Variants in MALRD1 observed in about 807,000 individuals in gnomAD.
MALRD1 encodes the protein MAM and LDL receptor class A domain containing 1.
MALRD1 carries 247 observed loss-of-function variants against 242.1 expected under a neutral mutation model. That is an observed-to-expected ratio of 1.02 (90% CI 0.92 to 1.13). MALRD1 has a LOEUF of 1.13. Among genes scored for constraint, MALRD1 ranks in the 50% most tolerant of loss-of-function variants. The probability of loss-of-function intolerance (pLI) is 0.00; values close to 1 mark genes in which losing one functional copy is unlikely to be tolerated. For synonymous variants in MALRD1, 995 were observed against 866.6 expected (o/e 1.15, Z -2.60); for missense variants, 2,989 against 2,533.1 (o/e 1.18, Z -3.86).
At chr10:19,274,031 C>T (rs749279119) in intron 19 of MALRD1, among the ~76,000 whole-genome samples, 1 of 152,068 alleles carries the variant, frequency 6.6e-6, no homozygotes, top group Non-Finnish European at 1.5e-5. Flanking sequence ...CCTGGTGGGA[C>T]TGTAAAGTGG....
intron 14 of MALRD1, among the ~76,000 whole-genome samples, chr10:19,183,187 A>G (rs1835591510): frequency 6.6e-6 from 1 of 151,866 alleles, no homozygotes; most frequent in African/African-American, 2.4e-5. Flanking sequence ...ATTCATAGAA[A>G]TGCTAATTCT....
chr10:19,593,726 T>C (rs1294144091), intron 33 of MALRD1, among the ~76,000 whole-genome samples: 3 of 152,210 alleles, frequency 2.0e-5, no homozygotes, highest in Admixed American at 2.0e-4. Context: ...AGCCTCTGCT[T>C]TAAGTTTGAC....
intron 26 of MALRD1, among the ~76,000 whole-genome samples, chr10:19,371,606 C>T (rs911275163): frequency 1.3e-5 from 2 of 152,052 alleles, no homozygotes; most frequent in Non-Finnish European, 2.9e-5. Context: ...TGGTCAGAAT[C>T]TATTATCCCT....
chr10:19,389,465 T>C lies in MALRD1; in HGVS notation c.4701T>C (p.Tyr1567=). ...TLGNENGHFM[Y]LEATAVGLRG... Reference sequence around the variant, plus strand: ...CCTTGTTCCTAGGGCACTTCATGTATCTGGAAGCTACTGCAGTGGGCCTTC... The same window carrying C: ...CCTTGTTCCTAGGGCACTTCATGTACCTGGAAGCTACTGCAGTGGGCCTTC... The change falls in exon 28 of 40, where the codon TAT becomes TAC. Residue 1567 remains tyrosine, a synonymous_variant. Coordinates refer to ENST00000454679, the MANE Select transcript of MALRD1 (RefSeq NM_001142308.3). 6.4e-7 allele frequency: 1 copy of C among 1,550,396 alleles called. No homozygotes were observed. Among genetic ancestry groups the C allele is most frequent in the Non-Finnish European group, 8.7e-7 (1 of 1,146,904 alleles).
intron 31 of MALRD1, among the ~76,000 whole-genome samples, chr10:19,513,112 T>C (rs190010769): frequency 3.9e-5 from 6 of 152,262 alleles, no homozygotes; most frequent in African/African-American, 9.6e-5. Flanking sequence ...ATTTGTCCCC[T>C]CCAAATCTCA....
chr10:19,367,606 C>T (rs1039206643), intron 26 of MALRD1, among the ~76,000 whole-genome samples: 7 of 152,078 alleles, frequency 4.6e-5, no homozygotes, highest in Non-Finnish European at 8.8e-5. Context: ...GATGTACTAA[C>T]TATTTTTCCT....
intron 36 of MALRD1, among the ~76,000 whole-genome samples, chr10:19,638,100 TC>T (rs1474197471): frequency 8.0e-5 from 2 of 25,142 alleles, no homozygotes; most frequent in African/African-American, 3.0e-4. Flanking sequence ...AAACTCACTC[TC>T]AAAAAAAAAA....
intron 28 of MALRD1, among the ~76,000 whole-genome samples, chr10:19,412,750 G>A (rs1833328468): frequency 6.6e-6 from 1 of 152,050 alleles, no homozygotes; most frequent in South Asian, 2.1e-4. Flanking sequence ...TAAAACAGAA[G>A]AATCATCATT....
chr10:19,312,400 A>ATATATATGTGTG (rs1491220851), intron 21 of MALRD1, among the ~76,000 whole-genome samples: 14 of 143,634 alleles, frequency 9.7e-5, no homozygotes, highest in Non-Finnish European at 2.0e-4. Flanking sequence ...ATATATATAT[A>ATATATATGTGTG]TGTGTATATG....
intron 11 of MALRD1, among the ~76,000 whole-genome samples, chr10:19,154,745 A>G (rs961125575): frequency 1.3e-5 from 2 of 152,206 alleles, no homozygotes; most frequent in Admixed American, 1.3e-4. Flanking sequence ...TGGGTATTTC[A>G]TAAGGGCCTG....
At chr10:19,064,135 C>T (rs1439970263) in intron 1 of MALRD1, among the ~76,000 whole-genome samples, 1 of 152,062 alleles carries the variant, frequency 6.6e-6, no homozygotes, top group Non-Finnish European at 1.5e-5. Flanking sequence ...GTACATCTGA[C>T]CTTTGGGATT....
At chr10:19,253,724 A>G (rs1472235366) in intron 18 of MALRD1, among the ~76,000 whole-genome samples, 1 of 152,006 alleles carries the variant, frequency 6.6e-6, no homozygotes, top group African/African-American at 2.4e-5. Context: ...AAAATAGAGT[A>G]TATCCCCACC....
At chr10:19,711,615 C>T (rs902211128) in intron 38 of MALRD1, among the ~76,000 whole-genome samples, 13 of 151,792 alleles carry the variant, frequency 8.6e-5, no homozygotes, top group Non-Finnish European at 1.5e-4. Flanking sequence ...AACCTAGACT[C>T]ATGGATTGAA....
At chr10:19,203,534 G>A (rs778437168) in intron 14 of MALRD1, among the ~76,000 whole-genome samples, 194 bp from the exon 15 acceptor site, 7 of 152,112 alleles carry the variant, frequency 4.6e-5, no homozygotes, top group South Asian at 2.1e-4. Context: ...CTGCCTTCTC[G>A]ATCTCCAGTA....
At chr10:19,633,639 C>T (rs1220868654) in intron 36 of MALRD1, 1 of 151,968 alleles carries the variant, frequency 6.6e-6, no homozygotes, top group African/African-American at 2.4e-5. Context: ...AGTAAAGAAA[C>T]TCCAAAAAGC....
chr10:19,374,152 T>G (rs766811586), intron 26 of MALRD1, among the ~76,000 whole-genome samples: 4 of 152,192 alleles, frequency 2.6e-5, no homozygotes, highest in East Asian at 1.9e-4. Context: ...TCTGCATATA[T>G]AAATACACAT....
chr10:19,148,788 A>AAAAAAAAATATATAT (rs1206724666), intron 11 of MALRD1, among the ~76,000 whole-genome samples: 2 of 88,016 alleles, frequency 2.3e-5, no homozygotes, highest in Non-Finnish European at 4.9e-5. Flanking sequence ...AAAAAAAAAA[A>AAAAAAAAATATATAT]ATATATATAT....
chr10:19,173,533 C>G (rs1835098891), intron 13 of MALRD1, among the ~76,000 whole-genome samples: 1 of 152,070 alleles, frequency 6.6e-6, no homozygotes. Flanking sequence ...AGTTTCTCTC[C>G]AGTTGAGCTG....
intron 4 of MALRD1, among the ~76,000 whole-genome samples, chr10:19,099,150 A>T (rs746506224): frequency 6.6e-6 from 1 of 151,970 alleles, no homozygotes; most frequent in African/African-American, 2.4e-5. Context: ...GCCTTTTTTT[A>T]TTGGCACAAC....
Sources: gnomAD v4.1 joint callset for allele counts (sites outside exome capture counted in the v4.1 genomes callset) on GRCh38, gnomAD v4.1.1 for gene constraint, MANE v1.5 for transcripts, NCBI Gene and HGNC (gene_info 2026-07-23, HGNC 2026-07-21) for gene names.